Variants in RCSD1 observed in about 807,000 individuals in gnomAD.
RCSD1 encodes the protein RCSD domain containing 1, also known as capZ-interacting protein.
RCSD1 carries 26 observed loss-of-function variants against 42.5 expected under a neutral mutation model. That is an observed-to-expected ratio of 0.61 (90% CI 0.45 to 0.85). The LOEUF is 0.85. RCSD1 is among the 40% of genes least tolerant of loss of function. The pLI is 0.00. For missense variants in RCSD1, 571 were observed against 528.3 expected (o/e 1.08, Z -0.79); for synonymous variants, 220 against 212.2 (o/e 1.04, Z -0.32).
chr1:167,672,755 G>A (rs1658841051), intron 1 of RCSD1, among the ~76,000 whole-genome samples: 1 of 152,152 alleles, frequency 6.6e-6, no homozygotes, highest in Admixed American at 6.5e-5. Flanking sequence ...AGGTTCCAGG[G>A]ACTAGGATGA....
chr1:167,668,604 T>C (rs1197006213), intron 1 of RCSD1, among the ~76,000 whole-genome samples: 1 of 152,204 alleles, frequency 6.6e-6, no homozygotes, highest in Admixed American at 6.5e-5. Context: ...ATGGAATATA[T>C]GTCTCCCCTA....
intron 6 of RCSD1, among the ~76,000 whole-genome samples, chr1:167,698,262 G>A (rs757844762): frequency 6.6e-6 from 1 of 152,234 alleles, no homozygotes; most frequent in Non-Finnish European, 1.5e-5. Flanking sequence ...TAGCACATGA[G>A]ACCAGCAACT....
At chr1:167,701,135 AGCTCAGATGGAGAAAGAGTAGCTCCAC>A in intron 6 of RCSD1, among the ~76,000 whole-genome samples, 1 of 152,308 alleles carries the variant, frequency 6.6e-6, no homozygotes, top group Non-Finnish European at 1.5e-5. Flanking sequence ...CCAAATAGGC[AGCTCAGATGGAGAAAGAGTAGCTCCAC>A]TTCCATCTCT....
chr1:167,687,082 G>A (rs1300116057), intron 3 of RCSD1, among the ~76,000 whole-genome samples: 9 of 152,164 alleles, frequency 5.9e-5, no homozygotes, highest in Non-Finnish European at 1.3e-4. Context: ...ACCCCATGGG[G>A]CACATCACCC....
At chr1:167,681,455 T>C (rs994690192) in intron 1 of RCSD1, among the ~76,000 whole-genome samples, 7 of 152,196 alleles carry the variant, frequency 4.6e-5, no homozygotes, top group Non-Finnish European at 1.0e-4. Flanking sequence ...AGCCATTCAC[T>C]AGGCTCCAGG....
At chr1:167,690,589 G>A (rs573600610) in intron 4 of RCSD1, among the ~76,000 whole-genome samples, 276 of 152,086 alleles carry the variant, frequency 1.8e-3, no homozygotes, top group Non-Finnish European at 3.0e-3. Context: ...TGAGAGGATC[G>A]CTTGGGCCCA....
chr1:167,648,000 C>A (rs539150353), intron 1 of RCSD1, among the ~76,000 whole-genome samples: 1 of 152,140 alleles, frequency 6.6e-6, no homozygotes, highest in Admixed American at 6.5e-5. Flanking sequence ...AAAAGACAAT[C>A]CTGTATAATA....
At chr1:167,656,280 G>A (rs965853808) in intron 1 of RCSD1, among the ~76,000 whole-genome samples, 1 of 152,164 alleles carries the variant, frequency 6.6e-6, no homozygotes, top group African/African-American at 2.4e-5. Context: ...CTAGAATTCA[G>A]TGAGGAGGTA....
chr1:167,638,025 CA>C (rs1161993773), intron 1 of RCSD1, among the ~76,000 whole-genome samples: 2 of 152,232 alleles, frequency 1.3e-5, no homozygotes, highest in African/African-American at 4.8e-5. Flanking sequence ...TTGCATCTCA[CA>C]ATGTGCCGCA....
chr1:167,658,091 CTA>C, intron 1 of RCSD1, among the ~76,000 whole-genome samples: 1 of 152,156 alleles, frequency 6.6e-6, no homozygotes, highest in South Asian at 2.1e-4. Context: ...CCACACCTGG[CTA>C]CACACACTTT....
At chr1:167,690,414 C>T (rs889921409) in intron 4 of RCSD1, among the ~76,000 whole-genome samples, 3 of 152,176 alleles carry the variant, frequency 2.0e-5, no homozygotes, top group Admixed American at 2.0e-4. Flanking sequence ...GGGCTCACCC[C>T]TATAATCCCA....
intron 1 of RCSD1, among the ~76,000 whole-genome samples, chr1:167,651,920 C>T (rs149151806): frequency 1.7e-4 from 26 of 151,876 alleles, no homozygotes; most frequent in African/African-American, 5.6e-4. Flanking sequence ...CTCACCCAAA[C>T]AGTTAACAGT....
At chr1:167,689,742 T>A (rs1328990503) in intron 3 of RCSD1, among the ~76,000 whole-genome samples, 1 of 152,158 alleles carries the variant, frequency 6.6e-6, no homozygotes, top group East Asian at 1.9e-4. Context: ...GGTGAAGATC[T>A]TGCTCAGATA....
At chr1:167,700,546 G>C (rs1002495933) in intron 6 of RCSD1, among the ~76,000 whole-genome samples, 4 of 152,064 alleles carry the variant, frequency 2.6e-5, no homozygotes, top group Middle Eastern at 3.4e-3. Context: ...AGCTACTTAG[G>C]AGGCTGAGGC....
chr1:167,649,888 A>C (rs1658260737), intron 1 of RCSD1, among the ~76,000 whole-genome samples: 1 of 152,208 alleles, frequency 6.6e-6, no homozygotes, highest in African/African-American at 2.4e-5. Context: ...TCTTGTGTCC[A>C]TAATAATAAA....
At chr1:167,695,783 A>T (rs1659485561) in intron 5 of RCSD1, among the ~76,000 whole-genome samples, 1 of 152,040 alleles carries the variant, frequency 6.6e-6, no homozygotes, top group Non-Finnish European at 1.5e-5. Context: ...TGCCTCCCAA[A>T]GTGCGAGGAT....
At chr1:167,704,588 A>C in intron 6 of RCSD1, 76 bp from the exon 7 acceptor site, 1 of 1,248,926 alleles carries the variant, frequency 8.0e-7, no homozygotes, top group African/African-American at 1.5e-5. Flanking sequence ...CAGATCCATC[A>C]TCCCCAAGGA....
chr1:167,670,160 C>T (rs141976206), intron 1 of RCSD1, among the ~76,000 whole-genome samples: 2 of 152,150 alleles, frequency 1.3e-5, no homozygotes, highest in African/African-American at 2.4e-5. Context: ...CTCAGAGGAG[C>T]TCTCTGTGAA....
intron 6 of RCSD1, among the ~76,000 whole-genome samples, chr1:167,704,400 G>A (rs1347313854): frequency 6.6e-6 from 1 of 152,112 alleles, no homozygotes; most frequent in Non-Finnish European, 1.5e-5. Context: ...GTGTGACCTA[G>A]GGGAAATAAC....
Sources: gnomAD v4.1 joint callset for allele counts (sites outside exome capture counted in the v4.1 genomes callset) on GRCh38, gnomAD v4.1.1 for gene constraint, MANE v1.5 for transcripts, NCBI Gene and HGNC (gene_info 2026-07-23, HGNC 2026-07-21) for gene names.